The following GNG2 variants were observed in gnomAD, a reference collection of about 807,000 sequenced individuals.
GNG2 encodes guanine nucleotide-binding protein G(I)/G(S)/G(O) subunit gamma-2.
A neutral mutation model predicts 5.5 loss-of-function variants in GNG2; 5 were observed. That is an observed-to-expected ratio of 0.91 (90% CI 0.48 to 1.92). The LOEUF is 1.92. GNG2 is among the 30% of genes most tolerant of loss of function. GNG2 has a pLI of 0.01. For missense variants in GNG2, 55 were observed against 88.4 expected, an observed-to-expected ratio of 0.62 and a Z score of 1.52; for synonymous variants, 28 against 32.0, an observed-to-expected ratio of 0.88 and a Z score of 0.42.
At chr14:51,866,168 C>T (rs1291259222) in intron 1 of GNG2, among the ~76,000 whole-genome samples, 2 of 152,192 alleles carry the variant, frequency 1.3e-5, no homozygotes, top group East Asian at 1.9e-4. Flanking sequence ...CCCTGGCCAG[C>T]CCGGGTGTGG....
chr14:51,914,560 C>A (rs545104415), intron 2 of GNG2, among the ~76,000 whole-genome samples: 53 of 152,264 alleles, frequency 3.5e-4, no homozygotes, highest in African/African-American at 1.2e-3. Context: ...TTTAACTAGA[C>A]CACATGAGTA....
chr14:51,883,028 A>G (rs968974136), intron 2 of GNG2, among the ~76,000 whole-genome samples: 1 of 151,584 alleles, frequency 6.6e-6, no homozygotes, highest in East Asian at 2.0e-4. Context: ...AAAAAGAAAA[A>G]AAAAAAGAAA....
chr14:51,917,526 C>A (rs1180291294), intron 2 of GNG2: 4 of 426,366 alleles, frequency 9.4e-6, no homozygotes, highest in Non-Finnish European at 1.4e-5. Flanking sequence ...CACTTAACTT[C>A]CAGCAAATAG....
intron 2 of GNG2, among the ~76,000 whole-genome samples, chr14:51,909,555 G>C (rs931085493): frequency 4.6e-5 from 7 of 152,090 alleles, no homozygotes; most frequent in African/African-American, 1.7e-4. Flanking sequence ...GACCAAAAAG[G>C]AAAATAAAGG....
intron 1 of GNG2, among the ~76,000 whole-genome samples, chr14:51,873,655 C>T (rs896641364): frequency 6.6e-6 from 1 of 152,240 alleles, no homozygotes; most frequent in Non-Finnish European, 1.5e-5. Flanking sequence ...TGATATATGA[C>T]TTCATGTAAG....
chr14:51,860,430 G>T (rs535883930), upstream of GNG2: 2 of 152,674 alleles, frequency 1.3e-5, no homozygotes, highest in African/African-American at 4.8e-5. Context: ...GGGAGAAGGG[G>T]GATTAAAGTC....
intron 3 of GNG2, among the ~76,000 whole-genome samples, chr14:51,961,092 C>T (rs904893438): frequency 2.0e-5 from 3 of 152,152 alleles, no homozygotes; most frequent in African/African-American, 7.2e-5. Flanking sequence ...GCTGGGGCAA[C>T]TGTAGAATTT....
intron 2 of GNG2, among the ~76,000 whole-genome samples, chr14:51,893,561 CT>C (rs1364529608): frequency 6.6e-6 from 1 of 151,982 alleles, no homozygotes; most frequent in Non-Finnish European, 1.5e-5. Context: ...TTATAGTATC[CT>C]TTGTCATACT....
intron 2 of GNG2, among the ~76,000 whole-genome samples, chr14:51,931,514 A>C (rs143102339): frequency 4.6e-4 from 70 of 152,322 alleles, no homozygotes; most frequent in African/African-American, 1.7e-3. Flanking sequence ...GTAAGCAAGG[A>C]AAGAGTGTTT....
chr14:51,875,947 C>CTTTTTTTCTTTTT (rs10529707), intron 1 of GNG2, among the ~76,000 whole-genome samples: 5 of 141,126 alleles, frequency 3.5e-5, no homozygotes, highest in African/African-American at 1.3e-4. Flanking sequence ...ACATTTTTTT[C>CTTTTTTTCTTTTT]TTTTTTCCGA....
At position 51,897,086 on chromosome 14, in the gene GNG2, G is replaced by A. The variant is rs953790076; in HGVS notation, c.-30+19429G>A. Among the ~76,000 whole-genome samples, 9 of 152,322 alleles carry A rather than the reference G, an allele frequency of 5.9e-5. No individual in the cohort carries two copies. The East Asian group carries it at 7.7e-4, about 13-fold the overall frequency. The stretch of plus-strand genomic sequence containing the variant: ...GTAGATGCCAGTCTCTTTGGGTGGC[G>A]TCCTTTTAGCCACAATCCAGGAGTG... On this transcript the variant is annotated intron_variant, in intron 2 of 3. Coordinates refer to ENST00000556766, the MANE Select transcript of GNG2 (RefSeq NM_053064.5).
rs1224536612 is a variant in GNG2, at chr14:51,895,232, TA to T, written c.-30+17581del. On this transcript the variant is annotated intron_variant, in intron 2 of 3. Coordinates refer to ENST00000556766, the MANE Select transcript of GNG2 (RefSeq NM_053064.5). ...CATATTTATTAACTACAGAATCAAATAAAAAATTGGATAGCTTAAATAAACA... is the reference window on the plus strand; with the variant it reads ...CATATTTATTAACTACAGAATCAAATAAAAATTGGATAGCTTAAATAAACA... Among the ~76,000 whole-genome samples the T allele has an allele frequency of 2.0e-5, 3 of 152,180 alleles. No individual in the cohort carries two copies. In the East Asian group the frequency reaches 5.8e-4, roughly 29 times the overall value.
At chr14:51,959,097 C>T (rs924072955) in intron 3 of GNG2, among the ~76,000 whole-genome samples, 1 of 152,144 alleles carries the variant, frequency 6.6e-6, no homozygotes, top group Non-Finnish European at 1.5e-5. Flanking sequence ...TTTTAATTCT[C>T]CTCTAGTTTG....
intron 2 of GNG2, among the ~76,000 whole-genome samples, chr14:51,947,110 C>T (rs923754500): frequency 2.8e-4 from 43 of 152,138 alleles, no homozygotes; most frequent in Admixed American, 2.4e-3. Flanking sequence ...GTTTTCCCCT[C>T]CTGCATTTCT....
chr14:51,827,067 A>G (rs766299800), intron 1 of GNG2, among the ~76,000 whole-genome samples: 49 of 152,280 alleles, frequency 3.2e-4, no homozygotes, highest in Admixed American at 1.3e-3. Context: ...TAAGGAAGGG[A>G]GGCTAGACGG....
At chr14:51,893,498 C>T (rs74951297) in intron 2 of GNG2, among the ~76,000 whole-genome samples, 3,900 of 152,076 alleles carry the variant, frequency 0.026, 155 homozygotes, top group African/African-American at 0.082. Context: ...ATACTTTGTC[C>T]GCTTTATATG....
upstream of GNG2, among the ~76,000 whole-genome samples, chr14:51,858,222 AG>A (rs1187193594): frequency 2.6e-5 from 4 of 151,364 alleles, no homozygotes; most frequent in Non-Finnish European, 5.9e-5. Flanking sequence ...ATCCTGGCCA[AG>A]CTATACCCCC....
At chr14:51,951,800 T>C in intron 3 of GNG2, 1 of 682,552 alleles carries the variant, frequency 1.5e-6, no homozygotes, top group Non-Finnish European at 2.6e-6. Flanking sequence ...TATGGCTGCT[T>C]TCACTCTAAA....
At chr14:51,908,777 A>C (rs1886116240) in intron 2 of GNG2, among the ~76,000 whole-genome samples, 1 of 109,284 alleles carries the variant, frequency 9.2e-6, no homozygotes, top group Non-Finnish European at 1.7e-5. Context: ...ATGGGGTTTC[A>C]CCATGTTGGC....
Sources: gnomAD v4.1 joint callset for allele counts (sites outside exome capture counted in the v4.1 genomes callset) on GRCh38, gnomAD v4.1.1 for gene constraint, MANE v1.5 for transcripts, NCBI Gene and HGNC (gene_info 2026-07-23, HGNC 2026-07-21) for gene names.